The following FRY variants were observed in gnomAD, a reference collection of about 807,000 sequenced individuals.
FRY encodes the protein FRY microtubule binding protein.
FRY carries 128 observed loss-of-function variants against 348.4 expected under a neutral mutation model. That is an observed-to-expected ratio of 0.37 (90% CI 0.32 to 0.43). The LOEUF (loss-of-function observed/expected upper bound fraction) is 0.43, where lower values mean the gene tolerates loss of function less well. Among genes scored for constraint, FRY ranks in the 20% least tolerant of loss-of-function variants. The pLI, the probability that FRY is intolerant of heterozygous loss-of-function variation, is 1.00. For synonymous variants in FRY, 1,370 were observed against 1,374.7 expected (o/e 1.00, Z 0.08); for missense variants, 2,736 against 3,695.2 (o/e 0.74, Z 6.73).
intron 11 of FRY, among the ~76,000 whole-genome samples, chr13:32,145,693 C>T (rs1270571765): frequency 2.7e-5 from 4 of 150,924 alleles, no homozygotes; most frequent in East Asian, 1.9e-4. Flanking sequence ...TACAGGCGCC[C>T]GCCACCGCGC....
chr13:32,052,428 G>A (rs1392421818), intron 1 of FRY, among the ~76,000 whole-genome samples: 1 of 152,054 alleles, frequency 6.6e-6, no homozygotes, highest in Non-Finnish European at 1.5e-5. Flanking sequence ...TGTGCCCAAC[G>A]CAATACCAGG....
chr13:32,186,339 C>A lies in FRY; in HGVS notation c.3399C>A (p.Pro1133=), dbSNP rs34413414. The change falls in exon 27 of 61, where the codon CCC becomes CCA. Residue 1133 remains proline (P), a synonymous_variant. Coordinates refer to ENST00000542859, the MANE Select transcript of FRY (RefSeq NM_023037.3). ...TCTTATTCAGCCAGTGGGCAGGACC[C>A]TTCAGCATTATGTTCACTCCTCTGG... ...LFILFSQWAG[P]FSIMFTPLDR... is the part of the protein sequence containing the mutation. 0.03 allele frequency: 48,820 copies of A among 1,610,408 alleles called. 933 individuals carry two copies. The highest frequency in any genetic ancestry group is 0.066 in the East Asian group (2,947 of 44,852).
chr13:32,230,704 T>C (rs1028004067), intron 40 of FRY, among the ~76,000 whole-genome samples: 1 of 152,234 alleles, frequency 6.6e-6, no homozygotes, highest in Non-Finnish European at 1.5e-5. Flanking sequence ...GAATGGTATT[T>C]CTGTCTCTGG....
intron 7 of FRY, among the ~76,000 whole-genome samples, chr13:32,131,327 G>T (rs992841373): frequency 3.9e-5 from 6 of 152,182 alleles, no homozygotes; most frequent in African/African-American, 1.4e-4. Context: ...TTCAGGCTCT[G>T]GGGTCTGCAA....
intron 51 of FRY, among the ~76,000 whole-genome samples, chr13:32,254,787 T>C (rs1333233825): frequency 6.6e-6 from 1 of 152,218 alleles, no homozygotes; most frequent in African/African-American, 2.4e-5. Context: ...GTGAAGTTTC[T>C]CTAATTCAAT....
chr13:32,214,515 G>A (rs953480161), intron 35 of FRY, among the ~76,000 whole-genome samples: 2 of 152,046 alleles, frequency 1.3e-5, no homozygotes, highest in Admixed American at 6.5e-5. Context: ...TTCCAGTGTG[G>A]CCCAGGGAAG....
At chr13:32,123,627 C>T (rs1376672229) in intron 4 of FRY, among the ~76,000 whole-genome samples, 1 of 152,194 alleles carries the variant, frequency 6.6e-6, no homozygotes, top group East Asian at 1.9e-4. Context: ...TAGCCTGTCT[C>T]AAGTTGTTAT....
At chr13:32,151,321 G>A (rs544475411) in intron 14 of FRY, among the ~76,000 whole-genome samples, 7 of 152,302 alleles carry the variant, frequency 4.6e-5, no homozygotes, top group African/African-American at 1.7e-4. Context: ...TATACCAATA[G>A]GAGTAAATAT....
At chr13:32,147,790 G>A in intron 12 of FRY, 49 bp from the exon 13 acceptor site, 1 of 1,000,892 alleles carries the variant, frequency 1.0e-6, no homozygotes, top group South Asian at 1.3e-5. Flanking sequence ...TTAAAGAACT[G>A]GAGCTCAGCC....
intron 2 of FRY, among the ~76,000 whole-genome samples, chr13:32,099,821 A>C (rs1877030606): frequency 6.6e-6 from 1 of 151,700 alleles, no homozygotes; most frequent in African/African-American, 2.4e-5. Context: ...GAATTGAAAA[A>C]AAAATGCTCT....
intron 17 of FRY, among the ~76,000 whole-genome samples, chr13:32,166,549 G>T (rs185304094): frequency 1.3e-5 from 2 of 151,988 alleles, no homozygotes; most frequent in African/African-American, 4.8e-5. Flanking sequence ...TTTTTTTCCC[G>T]CTTTATAATG....
chr13:32,295,120 C>A, intron 60 of FRY, 82 bp from the exon 61 acceptor site: 1 of 1,236,260 alleles, frequency 8.1e-7, no homozygotes, highest in Non-Finnish European at 1.2e-6. Flanking sequence ...AAAAGTAATA[C>A]TCTTATATTA....
chr13:32,228,051 G>A (rs888764975), intron 39 of FRY, among the ~76,000 whole-genome samples: 14 of 152,236 alleles, frequency 9.2e-5, no homozygotes, highest in Admixed American at 2.6e-4. Context: ...CGCCCAGCCC[G>A]TTTCACATGT....
chr13:32,209,164 C>A lies in FRY; in HGVS notation c.4275+55C>A, dbSNP rs1884531890. On this transcript the variant is annotated intron_variant, in intron 32 of 60. Coordinates refer to ENST00000542859, the MANE Select transcript of FRY (RefSeq NM_023037.3). Reference sequence around the variant, plus strand: ...GCATGGCTCCATCATCAGAAAAAAACCCTGGGTTAGTCAAACCCCGGGGAA... The same window carrying A: ...GCATGGCTCCATCATCAGAAAAAAAACCTGGGTTAGTCAAACCCCGGGGAA... 29 of 1,603,384 alleles carry A rather than the reference C, an allele frequency of 1.8e-5. No homozygotes were observed. The South Asian group carries it at 2.9e-4, about 16-fold the overall frequency.
chr13:32,209,243 C>T, intron 32 of FRY, 134 bp downstream of exon 32: 1 of 1,026,040 alleles, frequency 9.7e-7, no homozygotes, highest in East Asian at 2.4e-5. Flanking sequence ...GTGATGGTTG[C>T]ACAGAAATAT....
chr13:32,217,441 T>C (rs892021617), intron 35 of FRY, among the ~76,000 whole-genome samples: 8 of 152,200 alleles, frequency 5.3e-5, no homozygotes, highest in African/African-American at 4.8e-5. Flanking sequence ...TAATACCTTA[T>C]AGTCCGACAG....
rs974980924 is a variant in FRY at position 32,294,277 on chromosome 13, C to T, written c.8581-91C>T. 26 of 850,830 alleles carry T rather than the reference C, an allele frequency of 3.1e-5. No homozygotes were observed. In the African/African-American group the frequency reaches 3.4e-4, roughly 11 times the overall value. 52.7% of individuals were successfully genotyped at this position (850,830 alleles called of 1,614,324 possible). On this transcript the variant is annotated intron_variant, in intron 59 of 60. Coordinates refer to ENST00000542859, the MANE Select transcript of FRY (RefSeq NM_023037.3). The stretch of plus-strand genomic sequence containing the variant: ...ACCAAGGTATTAAGCTTATGCTTAA[C>T]CACACCCATAAGATCCTTTTTTTTT...
intron 49 of FRY, among the ~76,000 whole-genome samples, chr13:32,250,105 C>A (rs887446382): frequency 1.3e-5 from 2 of 152,134 alleles, no homozygotes; most frequent in African/African-American, 4.8e-5. Flanking sequence ...TGTCTGCTGC[C>A]CACGGAACAG....
intron 58 of FRY, 152 bp from the exon 59 acceptor site, chr13:32,289,481 G>A (rs893954840): frequency 3.2e-6 from 2 of 627,212 alleles, no homozygotes; most frequent in Non-Finnish European, 2.9e-6. Flanking sequence ...TTTATTTAAT[G>A]ACTGTATTTC....
Sources: gnomAD v4.1 joint callset for allele counts (sites outside exome capture counted in the v4.1 genomes callset) on GRCh38, gnomAD v4.1.1 for gene constraint, MANE v1.5 for transcripts, NCBI Gene and HGNC (gene_info 2026-07-23, HGNC 2026-07-21) for gene names.